Variants in EIF5B observed in about 807,000 individuals in gnomAD.
The protein encoded by EIF5B is eukaryotic translation initiation factor 5B.
In EIF5B, 47 loss-of-function variants were observed where a neutral mutation model predicts 147.5. That is an observed-to-expected ratio of 0.32 (90% CI 0.25 to 0.41). The LOEUF (loss-of-function observed/expected upper bound fraction) is 0.41. EIF5B is among the 10% of genes least tolerant of loss of function. EIF5B has a pLI of 1.00. For missense variants in EIF5B, 1,064 were observed against 1,413.2 expected (o/e 0.75, Z 3.96); for synonymous variants, 455 against 456.2 (o/e 1.00, Z 0.03).
intron 23 of EIF5B, 147 bp from the exon 24 acceptor site, chr2:99,399,160 G>T: frequency 2.5e-6 from 2 of 813,790 alleles, no homozygotes; most frequent in Middle Eastern, 2.8e-4. Flanking sequence ...ATGTGATTTT[G>T]GAATTCTACT....
intron 12 of EIF5B, among the ~76,000 whole-genome samples, chr2:99,381,202 A>G (rs975415630): frequency 1.3e-5 from 2 of 152,148 alleles, no homozygotes; most frequent in Non-Finnish European, 2.9e-5. Flanking sequence ...TAGTCACTAG[A>G]GGAGAGGGTT....
rs1217598377 is a variant in EIF5B, at chr2:99,363,668, A to T, written c.943A>T (p.Lys315Ter). The change falls in exon 5 of 24, where the codon AAG becomes TAG. Residue 315 changes from lysine (K) to a stop codon, truncating the protein, a stop_gained. Coordinates refer to ENST00000289371, the MANE Select transcript of EIF5B (RefSeq NM_015904.4). LOFTEE classifies it high-confidence loss of function. ...AEDDNEGDKK[K>*]KDKKKKKGEK... is the part of the protein sequence containing the mutation. ...AGATGACAATGAAGGAGACAAAAAG[A>T]AGAAAGATAAGAAGAAAAAGAAAGG... The T allele has an allele frequency of 6.3e-7, 1 of 1,583,546 alleles. No homozygotes were observed. Among genetic ancestry groups the T allele is most frequent in the Non-Finnish European group, 8.5e-7 (1 of 1,172,762 alleles).
In EIF5B at chr2:99,337,420, T is replaced by A. The variant is rs2094245347; in HGVS notation, c.-135T>A. The A allele has an allele frequency of 1.3e-5, 14 of 1,091,526 alleles. No individual in the cohort carries two copies. The highest frequency in any genetic ancestry group is 1.9e-5 in the Non-Finnish European group (14 of 730,032). 67.6% of individuals were successfully genotyped at this position (1,091,526 alleles called of 1,614,324 possible). ...TATGTGTCCTGTTCCAGTGCGCGGG[T>A]CTGTGGAGAGCCGGGTGCGAGCGGC... On this transcript the variant is annotated 5_prime_UTR_variant, in exon 1 of 24. Coordinates refer to ENST00000289371, the MANE Select transcript of EIF5B (RefSeq NM_015904.4).
At chr2:99,385,294 C>T (rs1420835645) in intron 14 of EIF5B, among the ~76,000 whole-genome samples, 2 of 152,202 alleles carry the variant, frequency 1.3e-5, no homozygotes, top group African/African-American at 4.8e-5. Flanking sequence ...ATCTGCCTGC[C>T]TCGGCCTGCC....
At chr2:99,375,895 A>G (rs1674555440) in intron 9 of EIF5B, among the ~76,000 whole-genome samples, 1 of 152,232 alleles carries the variant, frequency 6.6e-6, no homozygotes, top group African/African-American at 2.4e-5. Context: ...TCATTGGAGC[A>G]TTTCGTATTT....
Position 99,390,987 on chromosome 2 carries a change from C to T in EIF5B, c.2748+282C>T, listed in dbSNP as rs1304483853. Among the ~76,000 whole-genome samples, 3 of 152,158 alleles carry T rather than the reference C, an allele frequency of 2.0e-5. No individual in the cohort carries two copies. In the East Asian group the frequency reaches 5.8e-4, roughly 29 times the overall value. ...GGTTGACTCTTGAACAACATGAGGG[C>T]TAGGGGCACTGACTCCCTGGCCAGT... is the stretch of plus-strand genomic sequence containing the variant. On this transcript the variant is annotated intron_variant, in intron 17 of 23. Coordinates refer to ENST00000289371, the MANE Select transcript of EIF5B (RefSeq NM_015904.4).
chr2:99,392,541 A>G (rs1308347104), intron 17 of EIF5B, among the ~76,000 whole-genome samples: 1 of 151,840 alleles, frequency 6.6e-6, no homozygotes, highest in Admixed American at 6.6e-5. Flanking sequence ...TAGGTTTTAA[A>G]TTTTTTTTGC....
At chr2:99,343,717 G>C (rs544972953) in intron 1 of EIF5B, among the ~76,000 whole-genome samples, 38 of 151,856 alleles carry the variant, frequency 2.5e-4, no homozygotes, top group Admixed American at 3.3e-4. Flanking sequence ...GGGAGGCTGA[G>C]GCAGGAGAAT....
rs2094245709 is a variant in EIF5B at position 99,337,501 on chromosome 2, G to A, written c.-54G>A. ...GACCAAAGTCAGCCGGGAGACAGTG[G>A]GTCTGTGAGAGACCGAATAGAGGGG... On this transcript the variant is annotated 5_prime_UTR_variant, in exon 1 of 24. Transcript: ENST00000289371. The A allele has an allele frequency of 6.3e-7, 1 of 1,596,672 alleles. No individual in the cohort carries two copies. Among genetic ancestry groups the A allele is most frequent in the African/African-American group, 1.3e-5 (1 of 74,494 alleles).
At position 99,400,517 on chromosome 2, in the gene EIF5B, TATAAC is replaced by T. The variant is rs869156898; in HGVS notation, c.*1108_*1112del. On this transcript the variant is annotated 3_prime_UTR_variant, in exon 24 of 24. Coordinates refer to ENST00000289371, the MANE Select transcript of EIF5B (RefSeq NM_015904.4). ...TTTATTTTAAAGTTATGGCATAACA[TATAAC>T]ATAAAAATATTTTATATACGTTTGA... is the stretch of plus-strand genomic sequence containing the variant. The T allele has an allele frequency of 9.8e-5, 15 of 152,330 alleles. No individual in the cohort carries two copies. The highest frequency in any genetic ancestry group is 3.1e-4 in the African/African-American group (13 of 41,580). The allele number at this position is 152,330 out of a possible 1,614,324, so 9.4% of individuals were successfully genotyped here. A position where few individuals can be genotyped will look rare whatever the true frequency, so the allele number is the denominator to read the frequency against.
chr2:99,394,845 T>C lies in EIF5B; in HGVS notation c.3216T>C (p.Tyr1072=), dbSNP rs757729182. The stretch of plus-strand genomic sequence containing the variant: ...ATTTATTTGATGCCTTTACAAAATA[T>C]AGACAAGACTACAAGAAACAGAAAC... The part of the protein sequence containing the change: ...IYHLFDAFTK[Y]RQDYKKQKQE... Residue 1072 remains tyrosine (Y), a synonymous_variant, in exon 21 of 24, where the codon TAT becomes TAC. Coordinates refer to ENST00000289371, the MANE Select transcript of EIF5B (RefSeq NM_015904.4). 27 of 1,599,972 alleles carry C rather than the reference T, an allele frequency of 1.7e-5. No individual in the cohort carries two copies. In the South Asian group the frequency reaches 2.7e-4, roughly 16 times the overall value.
At chr2:99,338,562 G>C (rs2094249903) in intron 1 of EIF5B, among the ~76,000 whole-genome samples, 1 of 152,200 alleles carries the variant, frequency 6.6e-6, no homozygotes, top group African/African-American at 2.4e-5. Flanking sequence ...TAAATTGGAA[G>C]CCTGGATCGT....
Position 99,394,965 on chromosome 2 carries a change from C to T in EIF5B, c.3254+82C>T, listed in dbSNP as rs1675013018. 47 of 1,300,080 alleles carry T rather than the reference C, an allele frequency of 3.6e-5. No homozygotes were observed. In the South Asian group the frequency reaches 5.7e-4, roughly 16 times the overall value. The allele number at this position is 1,300,080 out of a possible 1,614,324, so 80.5% of individuals were successfully genotyped here. On this transcript the variant is annotated intron_variant, in intron 21 of 23. Coordinates refer to ENST00000289371, the MANE Select transcript of EIF5B (RefSeq NM_015904.4). The stretch of plus-strand genomic sequence containing the variant: ...ACTGAATTCCAGAAAGGGCTGTAAA[C>T]AGCAAAATCATGGCATTTACTCATC...
intron 4 of EIF5B, among the ~76,000 whole-genome samples, chr2:99,363,222 A>C (rs1231354690): frequency 4.6e-5 from 7 of 152,186 alleles, no homozygotes; most frequent in African/African-American, 1.7e-4. Flanking sequence ...CATTCTCATT[A>C]ACTCCATCTT....
At chr2:99,364,063 A>G (rs1000455335) in intron 5 of EIF5B, among the ~76,000 whole-genome samples, 1 of 152,248 alleles carries the variant, frequency 6.6e-6, no homozygotes, top group South Asian at 2.1e-4. Context: ...TGCTCGATAC[A>G]TAAGTTGCTT....
chr2:99,382,727 A>C, intron 13 of EIF5B, 53 bp from the exon 14 acceptor site: 1 of 1,505,184 alleles, frequency 6.6e-7, no homozygotes, highest in Non-Finnish European at 8.9e-7. Context: ...AGTTTAAGAA[A>C]AGTATTAATT....
intron 23 of EIF5B, 161 bp downstream of exon 23, chr2:99,399,070 G>A: frequency 1.1e-6 from 1 of 912,512 alleles, no homozygotes; most frequent in Non-Finnish European, 1.6e-6. Flanking sequence ...GTCTGTTGAG[G>A]AAGTTGCTCT....
Position 99,364,329 on chromosome 2 carries a change from A to G in EIF5B, c.1196A>G (p.Glu399Gly), listed in dbSNP as rs369596945. The G allele has an allele frequency of 7.5e-6, 12 of 1,609,786 alleles. No individual in the cohort carries two copies. Among genetic ancestry groups the G allele is most frequent in the Non-Finnish European group, 1.0e-5 (12 of 1,179,038 alleles). ...AAGCAAAAAGAAAAAGAAAGAAAAG[A>G]ACGCTTGAAAAAAGAAGGGAAACTT... Reference protein sequence around the residue: ...RKKQKEKERKERLKKEGKLLT... With the variant: ...RKKQKEKERKGRLKKEGKLLT... Residue 399 changes from glutamate (E) to glycine (G), a missense_variant, in exon 6 of 24, where the codon GAA (glutamate) becomes GGA (glycine). This residue lies in a region of EIF5B where 458 missense variants were observed against 451.3 expected (regional missense o/e 1.01). Coordinates refer to ENST00000289371, the MANE Select transcript of EIF5B (RefSeq NM_015904.4).
chr2:99,382,109 C>T (rs752430160), intron 12 of EIF5B, 50 bp from the exon 13 acceptor site: 20 of 1,500,244 alleles, frequency 1.3e-5, no homozygotes, highest in Non-Finnish European at 8.3e-6. Flanking sequence ...TGTAAAGAAG[C>T]TTTCATGTCT....
Sources: gnomAD v4.1 joint callset for allele counts (sites outside exome capture counted in the v4.1 genomes callset) on GRCh38, gnomAD v4.1.1 for gene constraint, gnomAD v4.1.1 regional missense constraint, MANE v1.5 for transcripts, NCBI Gene and HGNC (gene_info 2026-07-23, HGNC 2026-07-21) for gene names.